MBD5: variants seen among roughly 807,000 people sequenced by gnomAD.
MBD5 encodes the protein methyl-CpG binding domain protein 5, also known as methyl-CpG-binding domain protein 5.
Under a neutral mutation model 117.3 loss-of-function variants are expected in MBD5, and 13 were observed. The ratio of observed to expected loss-of-function variants is 0.11; its 90% CI spans 0.07 to 0.18. The LOEUF (loss-of-function observed/expected upper bound fraction) is 0.18. MBD5 is among the 10% of genes least tolerant of loss of function. The pLI is 1.00. For synonymous variants in MBD5, 727 were observed against 766.4 expected, an observed-to-expected ratio of 0.95 and a Z score of 0.85; for missense variants, 1,879 against 2,093.8, an observed-to-expected ratio of 0.90 and a Z score of 2.00.
At chr2:148,316,142 A>G (rs1702151741) in intron 3 of MBD5, among the ~76,000 whole-genome samples, 1 of 152,086 alleles carries the variant, frequency 6.6e-6, no homozygotes, top group Non-Finnish European at 1.5e-5. Flanking sequence ...CCAGGGGAAA[A>G]TCTACCCCCA....
At chr2:148,427,768 AC>A (rs921636970) in intron 4 of MBD5, among the ~76,000 whole-genome samples, 1 of 152,138 alleles carries the variant, frequency 6.6e-6, no homozygotes, top group African/African-American at 2.4e-5. Flanking sequence ...GTGCAGATGT[AC>A]CCTAAAACTT....
chr2:148,392,525 T>C (rs1226678188), intron 4 of MBD5, among the ~76,000 whole-genome samples: 1 of 152,222 alleles, frequency 6.6e-6, no homozygotes, highest in Non-Finnish European at 1.5e-5. Flanking sequence ...GAGCCACTTA[T>C]GTACACCATA....
chr2:148,504,159 G>A (rs1321377425), intron 12 of MBD5, among the ~76,000 whole-genome samples: 1 of 152,152 alleles, frequency 6.6e-6, no homozygotes, highest in African/African-American at 2.4e-5. Flanking sequence ...ATTAATGTGA[G>A]AGCTATCTAA....
At chr2:148,157,496 G>T (rs988511043) in intron 1 of MBD5, among the ~76,000 whole-genome samples, 3 of 152,086 alleles carry the variant, frequency 2.0e-5, no homozygotes, top group Non-Finnish European at 4.4e-5. Context: ...CAGAGACCTT[G>T]AGCAGTGTCT....
At chr2:148,459,455 T>C (rs1299356327) in intron 5 of MBD5, among the ~76,000 whole-genome samples, 2 of 152,166 alleles carry the variant, frequency 1.3e-5, no homozygotes, top group Non-Finnish European at 2.9e-5. Context: ...GCTATACATC[T>C]GTTGTAGAAC....
intron 1 of MBD5, among the ~76,000 whole-genome samples, chr2:148,161,224 C>T (rs1698000060): frequency 6.6e-6 from 1 of 152,220 alleles, no homozygotes; most frequent in Admixed American, 6.5e-5. Flanking sequence ...GCTTAACCAT[C>T]CAGTCTGTTT....
At chr2:148,509,855 C>T (rs1046834011) in intron 12 of MBD5, among the ~76,000 whole-genome samples, 2 of 152,234 alleles carry the variant, frequency 1.3e-5, no homozygotes, top group Middle Eastern at 3.4e-3. Context: ...ATCTGTTCAA[C>T]TTTTTTTAGT....
chr2:148,505,269 GTTT>G (rs2105244588), intron 12 of MBD5, among the ~76,000 whole-genome samples: 1 of 152,322 alleles, frequency 6.6e-6, no homozygotes, highest in Non-Finnish European at 1.5e-5. Flanking sequence ...GTTCAGTACA[GTTT>G]GGGGTGCCTG....
chr2:148,514,519 C>T lies in MBD5; in HGVS notation c.*1578C>T, dbSNP rs529683762. The T allele has an allele frequency of 6.6e-6, 1 of 152,354 alleles. No homozygotes were observed. Among genetic ancestry groups the T allele is most frequent in the African/African-American group, 2.4e-5 (1 of 41,566 alleles). 9.4% of individuals were successfully genotyped at this position (152,354 alleles called of 1,614,324 possible). A position where few individuals can be genotyped will look rare whatever the true frequency, so the allele number is the denominator to read the frequency against. On this transcript the variant is annotated 3_prime_UTR_variant, in exon 14 of 14. Coordinates refer to ENST00000642680, the MANE Select transcript of MBD5 (RefSeq NM_001378120.1). ...CCAGTCCCTGCCCCAAACCCTTAAA[C>T]CCCTAGAGAGCACTGCCTCGTCCTC...
intron 3 of MBD5, among the ~76,000 whole-genome samples, chr2:148,242,044 G>C (rs560159548): frequency 3.6e-4 from 54 of 152,018 alleles, no homozygotes; most frequent in African/African-American, 1.3e-3. Context: ...TGGATTCCTG[G>C]TTCTGCTGTT....
At chr2:148,029,083 CTTACTA>C (rs1359048973) in intron 1 of MBD5, among the ~76,000 whole-genome samples, 1 of 152,092 alleles carries the variant, frequency 6.6e-6, no homozygotes, top group Non-Finnish European at 1.5e-5. Flanking sequence ...TCAGAAAGCT[CTTACTA>C]GCTACAAATA....
chr2:148,109,240 G>A (rs1696449122), intron 1 of MBD5, among the ~76,000 whole-genome samples: 1 of 152,040 alleles, frequency 6.6e-6, no homozygotes, highest in Non-Finnish European at 1.5e-5. Flanking sequence ...AGCCATGTTT[G>A]CACCGCTGTA....
At chr2:148,276,427 C>T (rs1485242865) in intron 3 of MBD5, among the ~76,000 whole-genome samples, 1 of 152,052 alleles carries the variant, frequency 6.6e-6, no homozygotes, top group Non-Finnish European at 1.5e-5. Flanking sequence ...AATCAATTAC[C>T]ATTTGCCATA....
intron 3 of MBD5, among the ~76,000 whole-genome samples, chr2:148,314,894 G>C (rs1431485850): frequency 6.6e-6 from 1 of 152,092 alleles, no homozygotes; most frequent in Non-Finnish European, 1.5e-5. Context: ...TTACTGAAAA[G>C]CTCATTTATA....
chr2:148,234,714 A>T (rs1342446478), intron 3 of MBD5, among the ~76,000 whole-genome samples: 1 of 152,180 alleles, frequency 6.6e-6, no homozygotes, highest in Non-Finnish European at 1.5e-5. Flanking sequence ...AAAGAAATAG[A>T]TTCCACTGCT....
chr2:148,034,601 T>C (rs576206964), intron 1 of MBD5, among the ~76,000 whole-genome samples: 1 of 152,324 alleles, frequency 6.6e-6, no homozygotes, highest in Admixed American at 6.5e-5. Flanking sequence ...AAAAGTCTTG[T>C]AGACATTATC....
chr2:148,467,669 G>T (rs547765148), intron 7 of MBD5, among the ~76,000 whole-genome samples: 28 of 152,208 alleles, frequency 1.8e-4, no homozygotes, highest in African/African-American at 6.5e-4. Context: ...GCATGGGTTA[G>T]TTTGCAATAT....
At chr2:148,180,230 T>C (rs1698492255) in intron 2 of MBD5, among the ~76,000 whole-genome samples, 1 of 150,900 alleles carries the variant, frequency 6.6e-6, no homozygotes, top group Non-Finnish European at 1.5e-5. Context: ...GTGACTTGGT[T>C]ACTTGGAAGA....
At chr2:148,281,484 T>A (rs1206787802) in intron 3 of MBD5, among the ~76,000 whole-genome samples, 9 of 152,288 alleles carry the variant, frequency 5.9e-5, no homozygotes, top group Admixed American at 5.2e-4. Flanking sequence ...TATTCTTTTT[T>A]AAGATATTTC....
Sources: allele counts gnomAD v4.1 joint callset (sites outside exome capture counted in the v4.1 genomes callset), GRCh38; gene constraint gnomAD v4.1.1; transcripts MANE v1.5; gene names NCBI Gene and HGNC (gene_info 2026-07-23, HGNC 2026-07-21).